The following KCNJ6 variants were observed in gnomAD, a reference collection of about 807,000 sequenced individuals.
The protein encoded by KCNJ6 is potassium inwardly rectifying channel subfamily J member 6.
A neutral mutation model predicts 34.2 loss-of-function variants in KCNJ6; 9 were observed. That is an observed-to-expected ratio of 0.26 (90% CI 0.16 to 0.46). The LOEUF (loss-of-function observed/expected upper bound fraction) is 0.46, where lower values mean the gene tolerates loss of function less well. Ranked by LOEUF, KCNJ6 falls within the 20% of genes least tolerant of loss-of-function variation. KCNJ6 has a pLI of 1.00. For synonymous variants in KCNJ6, 196 were observed against 207.1 expected, an observed-to-expected ratio of 0.95 and a Z score of 0.46; for missense variants, 236 against 531.3, an observed-to-expected ratio of 0.44 and a Z score of 5.46.
At chr21:37,812,456 A>C (rs1167691907) in intron 2 of KCNJ6, among the ~76,000 whole-genome samples, 1 of 152,250 alleles carries the variant, frequency 6.6e-6, no homozygotes, top group African/African-American at 2.4e-5. Flanking sequence ...GTGTGAAGAC[A>C]CATTAAAAAA....
intron 3 of KCNJ6, among the ~76,000 whole-genome samples, chr21:37,644,192 T>A (rs2054393493): frequency 6.6e-6 from 1 of 151,894 alleles, no homozygotes; most frequent in African/African-American, 2.4e-5. Context: ...CATGAACACA[T>A]AGAGGGGAAC....
intron 1 of KCNJ6, among the ~76,000 whole-genome samples, chr21:37,863,066 CTGG>C (rs2055602772): frequency 6.6e-6 from 1 of 152,184 alleles, no homozygotes; most frequent in Non-Finnish European, 1.5e-5. Flanking sequence ...CAGAGAATTA[CTGG>C]TGAAGATCAA....
chr21:37,701,169 G>A (rs1348802734), intron 3 of KCNJ6, among the ~76,000 whole-genome samples: 1 of 152,160 alleles, frequency 6.6e-6, no homozygotes, highest in Non-Finnish European at 1.5e-5. Context: ...CTATACTGAC[G>A]GAGGTGGTGC....
intron 1 of KCNJ6, among the ~76,000 whole-genome samples, chr21:37,895,020 G>T (rs1471691627): frequency 1.3e-5 from 2 of 152,114 alleles, no homozygotes; most frequent in Non-Finnish European, 2.9e-5. Flanking sequence ...TGATCCTCTG[G>T]CTTCAGCCTC....
intron 2 of KCNJ6, among the ~76,000 whole-genome samples, chr21:37,727,472 T>TGCGTGC (rs542336304): frequency 6.6e-6 from 1 of 151,644 alleles, no homozygotes; most frequent in African/African-American, 2.4e-5. Flanking sequence ...TGTGTGTGTG[T>TGCGTGC]GTGCATGGAT....
intron 3 of KCNJ6, among the ~76,000 whole-genome samples, chr21:37,664,406 C>T (rs1033812128): frequency 6.6e-6 from 1 of 151,976 alleles, no homozygotes; most frequent in Non-Finnish European, 1.5e-5. Flanking sequence ...AAAGTTGATT[C>T]TTTGGAGGTA....
At chr21:37,713,284 G>A (rs1467614327) in intron 3 of KCNJ6, among the ~76,000 whole-genome samples, 1 of 151,754 alleles carries the variant, frequency 6.6e-6, no homozygotes, top group African/African-American at 2.4e-5. Flanking sequence ...AGCGTAAAAG[G>A]GCTGATGGTA....
At chr21:37,642,365 G>A (rs781752699) in intron 3 of KCNJ6, among the ~76,000 whole-genome samples, 2 of 152,126 alleles carry the variant, frequency 1.3e-5, no homozygotes, top group South Asian at 2.1e-4. Context: ...TAGAAGATCC[G>A]GAGAGCAAAG....
intron 3 of KCNJ6, among the ~76,000 whole-genome samples, chr21:37,641,951 G>T (rs1020865654): frequency 6.6e-6 from 1 of 152,232 alleles, no homozygotes; most frequent in African/African-American, 2.4e-5. Context: ...ATGAGGGCCA[G>T]TTAGAGGGAA....
At chr21:37,689,008 G>A (rs916175485) in intron 3 of KCNJ6, among the ~76,000 whole-genome samples, 6 of 152,108 alleles carry the variant, frequency 3.9e-5, no homozygotes, top group African/African-American at 1.4e-4. Flanking sequence ...TATATCATTG[G>A]TGATATAAAT....
At chr21:37,788,680 C>G (rs2055203107) in intron 2 of KCNJ6, among the ~76,000 whole-genome samples, 1 of 152,134 alleles carries the variant, frequency 6.6e-6, no homozygotes, top group South Asian at 2.1e-4. Flanking sequence ...GCCCAGGTGC[C>G]ATGTGTATAA....
intron 3 of KCNJ6, among the ~76,000 whole-genome samples, chr21:37,646,781 C>T (rs1383216337): frequency 1.3e-5 from 2 of 151,974 alleles, no homozygotes; most frequent in African/African-American, 2.4e-5. Context: ...CGGCATTCTC[C>T]TGCCTCAGCC....
Position 37,840,718 on chromosome 21 carries a change from G to A in KCNJ6, c.-27-9C>T, listed in dbSNP as rs2836016. The A allele has an allele frequency of 0.57, 858,724 of 1,507,856 alleles. 247,499 individuals are homozygous for A. The highest frequency in any genetic ancestry group is 0.79 in the East Asian group (34,797 of 43,856). 93.4% of individuals were successfully genotyped at this position (1,507,856 alleles called of 1,614,324 possible). A position where few individuals can be genotyped will look rare whatever the true frequency, so the allele number is the denominator to read the frequency against. ...TCTTCTTTGTGCTTTTCCTGGAGGTGAGAAGAAAAGACAATTATCTGTAAA... is the reference window on the plus strand; with the variant it reads ...TCTTCTTTGTGCTTTTCCTGGAGGTAAGAAGAAAAGACAATTATCTGTAAA... On this transcript the variant is annotated splice_polypyrimidine_tract_variant and intron_variant, in intron 1 of 3. Transcript: ENST00000609713.
chr21:37,841,538 T>C (rs990460394), intron 1 of KCNJ6, among the ~76,000 whole-genome samples: 2 of 152,234 alleles, frequency 1.3e-5, no homozygotes, highest in Admixed American at 1.3e-4. Context: ...CTGAAAATTA[T>C]AAATCTAATG....
chr21:37,734,404 C>T (rs375832213), intron 2 of KCNJ6, among the ~76,000 whole-genome samples: 5 of 152,092 alleles, frequency 3.3e-5, no homozygotes, highest in South Asian at 4.2e-4. Context: ...GGTTCTATAG[C>T]GGAGAGAGCA....
At chr21:37,677,119 T>C (rs572566684) in intron 3 of KCNJ6, among the ~76,000 whole-genome samples, 7 of 152,338 alleles carry the variant, frequency 4.6e-5, no homozygotes, top group African/African-American at 1.7e-4. Context: ...ATGCTGGCAG[T>C]GCCCACCACT....
At chr21:37,879,137 A>C (rs75893323) in intron 1 of KCNJ6, among the ~76,000 whole-genome samples, 29 of 152,306 alleles carry the variant, frequency 1.9e-4, no homozygotes, top group Admixed American at 5.9e-4. Context: ...TACAGTAGTG[A>C]GCTGAGTACT....
Position 37,624,884 on chromosome 21 carries a change from G to C in KCNJ6, c.*275C>G, listed in dbSNP as rs181069539. On this transcript the variant is annotated 3_prime_UTR_variant, in exon 4 of 4. Coordinates refer to ENST00000609713, the MANE Select transcript of KCNJ6 (RefSeq NM_002240.5). The stretch of plus-strand genomic sequence containing the variant: ...TGCAGGTAAGTAACTGAAATCTCCA[G>C]GAGTTGGATGTGTAGTATTTTGGGA... The C allele has an allele frequency of 4.8e-3, 2,287 of 476,656 alleles. 13 individuals are homozygous for C. The highest frequency in any genetic ancestry group is 6.9e-3 in the Non-Finnish European group (1,841 of 268,010). 29.5% of individuals were successfully genotyped at this position (476,656 alleles called of 1,614,324 possible). A position where few individuals can be genotyped will look rare whatever the true frequency, so the allele number is the denominator to read the frequency against.
intron 3 of KCNJ6, among the ~76,000 whole-genome samples, chr21:37,670,949 G>A (rs1184371928): frequency 1.3e-5 from 2 of 152,034 alleles, no homozygotes; most frequent in Admixed American, 1.3e-4. Context: ...GGATGCTATT[G>A]TCAATGGGCC....
Sources: allele counts gnomAD v4.1 joint callset (sites outside exome capture counted in the v4.1 genomes callset), GRCh38; gene constraint gnomAD v4.1.1; transcripts MANE v1.5; gene names NCBI Gene and HGNC (gene_info 2026-07-23, HGNC 2026-07-21).